DNAI7: variants seen among roughly 807,000 people sequenced by gnomAD.
DNAI7 encodes the protein cancer susceptibility 1.
DNAI7 carries 78 observed loss-of-function variants against 86.6 expected under a neutral mutation model. That is an observed-to-expected ratio of 0.90 (90% CI 0.75 to 1.09). DNAI7 has a LOEUF of 1.09. Ranked by LOEUF, DNAI7 falls within the 50% of genes least tolerant of loss-of-function variation. DNAI7 has a pLI of 0.00. For synonymous variants in DNAI7, 274 were observed against 273.0 expected (o/e 1.00, Z -0.04); for missense variants, 753 against 810.2 (o/e 0.93, Z 0.86).
intron 2 of DNAI7, among the ~76,000 whole-genome samples, chr12:25,174,986 T>C (rs931770123): frequency 2.0e-5 from 3 of 151,854 alleles, no homozygotes; most frequent in African/African-American, 7.3e-5. Flanking sequence ...GGGCAAGGGA[T>C]AGAAGACTAC....
intron 1 of DNAI7, among the ~76,000 whole-genome samples, chr12:25,192,531 A>T (rs936051655): frequency 6.6e-6 from 1 of 152,184 alleles, no homozygotes; most frequent in East Asian, 1.9e-4. Flanking sequence ...GTATTGCTCA[A>T]AAAATTACAT....
intron 1 of DNAI7, among the ~76,000 whole-genome samples, chr12:25,194,440 A>G (rs1204234427): frequency 2.0e-5 from 3 of 152,138 alleles, no homozygotes; most frequent in Non-Finnish European, 2.9e-5. Flanking sequence ...TACATTCTCC[A>G]CTTCCTCTGG....
In DNAI7 at chr12:25,120,317, G is replaced by GGAGAGGGAGAGAGA. The variant is rs1555156527; in HGVS notation, c.1240-1017_1240-1016insTCTCTCTCCCTCTC. On this transcript the variant is annotated intron_variant, in intron 11 of 15. Coordinates refer to ENST00000395987, the MANE Select transcript of DNAI7 (RefSeq NM_018272.5). ...AGAAGAGAGAGAGAGGCAGGAAGAG[G>GGAGAGGGAGAGAGA]GAGAGAGAGAGAGAGAGAGAGAGAG... Among the ~76,000 whole-genome samples the GGAGAGGGAGAGAGA allele has an allele frequency of 1.2e-4, 10 of 80,812 alleles. 1 individual carries two copies. The East Asian group carries it at 5.2e-3, about 42-fold the overall frequency. 53.0% of individuals were successfully genotyped at this position (80,812 alleles called of 152,430 possible).
At chr12:25,153,432 T>C (rs1053898307) in intron 6 of DNAI7, among the ~76,000 whole-genome samples, 3 of 149,824 alleles carry the variant, frequency 2.0e-5, no homozygotes, top group Non-Finnish European at 4.4e-5. Flanking sequence ...AAAAATTAAT[T>C]AAATAAATAA....
In DNAI7 at chr12:25,114,866, T is replaced by A. The variant is rs1171378077; in HGVS notation, c.1401A>T (p.Lys467Asn). The change falls in exon 13 of 16, where the codon AAA becomes AAT. Residue 467 changes from lysine (K) to asparagine (N), a missense_variant. By Grantham distance (94) the Lys-to-Asn change is moderately conservative (BLOSUM62 0). Transcript: ENST00000395987. ...TGCTGATGCCATCAGTTCTCCAATGTTTACCTTTATAATTGATGAAGAAAG... is the reference window on the plus strand; with the variant it reads ...TGCTGATGCCATCAGTTCTCCAATGATTACCTTTATAATTGATGAAGAAAG... ...PVVVRWDAEG[K>N]HWRTDGISNV... The A allele has an allele frequency of 6.2e-7, 1 of 1,608,074 alleles. No individual in the cohort carries two copies. Among genetic ancestry groups the A allele is most frequent in the African/African-American group, 1.3e-5 (1 of 74,790 alleles).
Position 25,147,031 on chromosome 12 carries a change from T to C in DNAI7, c.659A>G (p.Tyr220Cys), listed in dbSNP as rs751471398. The change falls in exon 8 of 16, where the codon TAT (tyrosine) becomes TGT (cysteine). Residue 220 changes from tyrosine (Y) to cysteine (C), a missense_variant. By Grantham distance (194) the Tyr-to-Cys change is radical. Coordinates refer to ENST00000395987, the MANE Select transcript of DNAI7 (RefSeq NM_018272.5). ...KVIKDENVTLYVWANLKKNPR... is the reference protein window; with the variant it reads ...KVIKDENVTLCVWANLKKNPR... ...ATTCTTCTTGAGGTTTGCCCACACA[T>C]ACAGAGTAACATTTTCATCTTTAAT... 1.2e-6 allele frequency: 2 copies of C among 1,602,308 alleles called. No homozygotes were observed. The highest frequency in any genetic ancestry group is 2.7e-5 in the African/African-American group (2 of 74,688).
At chr12:25,193,087 G>C (rs1045022287) in intron 1 of DNAI7, among the ~76,000 whole-genome samples, 1 of 151,064 alleles carries the variant, frequency 6.6e-6, no homozygotes, top group African/African-American at 2.4e-5. Context: ...CTGAGACTTC[G>C]ATAAGCCATG....
chr12:25,135,945 T>G (rs1943500364), intron 9 of DNAI7, among the ~76,000 whole-genome samples: 1 of 152,036 alleles, frequency 6.6e-6, no homozygotes, highest in Admixed American at 6.6e-5. Context: ...GCAAAAGACA[T>G]AATCTCTTGG....
chr12:25,161,141 C>G lies in DNAI7; in HGVS notation c.78G>C (p.Glu26Asp), dbSNP rs540167191. Residue 26 changes from glutamate (E) to aspartate (D), a missense_variant, in exon 3 of 16, where the codon GAG becomes GAC. Coordinates refer to ENST00000395987, the MANE Select transcript of DNAI7 (RefSeq NM_018272.5). ...CCTCTTTCAGTCGTCTCTCCTCCTCCTCTTGTAGCAGCTTCAATCGTTCAG... is the reference window on the plus strand; with the variant it reads ...CCTCTTTCAGTCGTCTCTCCTCCTCGTCTTGTAGCAGCTTCAATCGTTCAG... Reference protein sequence around the residue: ...TKAERLKLLQEEEERRLKEEE... With the variant: ...TKAERLKLLQDEEERRLKEEE... 9.3e-5 allele frequency: 150 copies of G among 1,613,850 alleles called. 2 individuals are homozygous for G. The South Asian group carries it at 1.5e-3, about 16-fold the overall frequency.
intron 2 of DNAI7, among the ~76,000 whole-genome samples, chr12:25,163,636 G>A (rs921850050): frequency 4.6e-5 from 7 of 152,182 alleles, no homozygotes; most frequent in East Asian, 1.9e-4. Flanking sequence ...ATCTGGTGCC[G>A]TGACTTGGAT....
At chr12:25,185,656 T>C in intron 2 of DNAI7, 1 of 358,044 alleles carries the variant, frequency 2.8e-6, no homozygotes, top group Non-Finnish European at 3.9e-6. Flanking sequence ...CCCTCATATA[T>C]TGTTTTTAAA....
At chr12:25,157,650 T>C (rs977471603) in intron 4 of DNAI7, among the ~76,000 whole-genome samples, 4 of 152,232 alleles carry the variant, frequency 2.6e-5, no homozygotes, top group African/African-American at 9.6e-5. Flanking sequence ...TTAGTTTTAA[T>C]TTCTAATATG....
chr12:25,108,898 T>G (rs1029433181), intron 15 of DNAI7, 75 bp from the exon 16 acceptor site: 10 of 887,884 alleles, frequency 1.1e-5, no homozygotes, highest in African/African-American at 1.7e-5. Context: ...AGATTATTAT[T>G]TGAAGGGCTC....
At chr12:25,141,795 T>G (rs1413254928) in intron 9 of DNAI7, among the ~76,000 whole-genome samples, 1 of 150,110 alleles carries the variant, frequency 6.7e-6, no homozygotes, top group Non-Finnish European at 1.5e-5. Context: ...ATGCCACTGC[T>G]CTCCAGCCTG....
intron 6 of DNAI7, among the ~76,000 whole-genome samples, chr12:25,153,195 C>A (rs1253002057): frequency 6.6e-6 from 1 of 152,112 alleles, no homozygotes; most frequent in Non-Finnish European, 1.5e-5. Flanking sequence ...GCTGAGGCTG[C>A]TGGATCATTT....
intron 9 of DNAI7, among the ~76,000 whole-genome samples, chr12:25,130,365 G>A (rs957932276): frequency 1.5e-4 from 22 of 151,172 alleles, no homozygotes; most frequent in Admixed American, 3.3e-4. Context: ...GTGAAACCCC[G>A]TCTGTACTAA....
At chr12:25,158,700 T>A in intron 3 of DNAI7, 137 bp from the exon 4 acceptor site, 6 of 1,490,666 alleles carry the variant, frequency 4.0e-6, no homozygotes, top group Non-Finnish European at 5.3e-6. Context: ...ATGGTAGATA[T>A]GAGAAAAGTG....
chr12:25,145,335 G>A (rs1298417904), intron 8 of DNAI7, among the ~76,000 whole-genome samples: 2 of 152,130 alleles, frequency 1.3e-5, no homozygotes, highest in African/African-American at 4.8e-5. Context: ...GTTGAGCACA[G>A]AACTCATCAT....
At chr12:25,130,355 G>C (rs1328149756) in intron 9 of DNAI7, among the ~76,000 whole-genome samples, 1 of 151,294 alleles carries the variant, frequency 6.6e-6, no homozygotes, top group East Asian at 2.0e-4. Flanking sequence ...GACTAACACG[G>C]TGAAACCCCG....
Sources: allele counts gnomAD v4.1 joint callset (sites outside exome capture counted in the v4.1 genomes callset), GRCh38; gene constraint gnomAD v4.1.1; transcripts MANE v1.5; gene names NCBI Gene and HGNC (gene_info 2026-07-23, HGNC 2026-07-21).